Variants in FHIT observed in about 807,000 individuals in gnomAD.
FHIT encodes the protein bis(5'-adenosyl)-triphosphatase.
In FHIT, 19 loss-of-function variants were observed where a neutral mutation model predicts 17.9. The observed-to-expected ratio is 1.06, with a 90% CI of 0.74 to 1.56. The LOEUF is 1.56. Ranked by LOEUF, FHIT falls within the 40% of genes most tolerant of loss-of-function variation. The probability of loss-of-function intolerance (pLI) is 0.00; values close to 1 mark genes in which losing one functional copy is unlikely to be tolerated. For missense variants in FHIT, 248 were observed against 189.2 expected, an observed-to-expected ratio of 1.31 and a Z score of -1.82; for synonymous variants, 81 against 69.7, an observed-to-expected ratio of 1.16 and a Z score of -0.81.
intron 5 of FHIT, among the ~76,000 whole-genome samples, chr3:60,307,218 A>G (rs1708717509): frequency 6.6e-6 from 1 of 152,162 alleles, no homozygotes; most frequent in African/African-American, 2.4e-5. Flanking sequence ...CTCCTCAAAA[A>G]CTTCAAACTT....
In FHIT at chr3:60,173,898, TATATATA is replaced by T. The variant is rs1559698501; in HGVS notation, c.104-159753_104-159747del. On this transcript the variant is annotated intron_variant, in intron 5 of 9. Transcript: ENST00000492590. ...TCCATGTTTCTAATATATATATATA[TATATATA>T]TATATATATATGTTTTTTTTTTTTT... is the stretch of plus-strand genomic sequence containing the variant. 6.7e-5 allele frequency among the ~76,000 whole-genome samples: 5 copies of T among 74,814 alleles called. No homozygotes were observed. The East Asian group carries it at 2.1e-3, about 31-fold the overall frequency. 49.1% of individuals were successfully genotyped at this position (74,814 alleles called of 152,430 possible).
At chr3:59,995,911 G>T (rs937894978) in intron 7 of FHIT, among the ~76,000 whole-genome samples, 1 of 152,086 alleles carries the variant, frequency 6.6e-6, no homozygotes, top group Non-Finnish European at 1.5e-5. Flanking sequence ...CTTCTCCAGG[G>T]TTTTCCTCGG....
intron 3 of FHIT, among the ~76,000 whole-genome samples, chr3:60,857,077 G>T (rs1553750196): frequency 6.6e-6 from 1 of 152,078 alleles, no homozygotes; most frequent in Non-Finnish European, 1.5e-5. Flanking sequence ...ATCCATAAAG[G>T]CAAGGATCAT....
intron 5 of FHIT, among the ~76,000 whole-genome samples, chr3:60,341,404 A>AT (rs1379619242): frequency 2.0e-5 from 3 of 152,228 alleles, no homozygotes; most frequent in African/African-American, 7.2e-5. Flanking sequence ...AAACCCATAG[A>AT]TACACAAACT....
chr3:59,983,140 C>T (rs971697780), intron 7 of FHIT, among the ~76,000 whole-genome samples: 3 of 151,898 alleles, frequency 2.0e-5, no homozygotes, highest in African/African-American at 2.4e-5. Flanking sequence ...GGTTTGGCTA[C>T]GTTGCCCAGG....
chr3:60,920,099 G>C (rs760200425), intron 3 of FHIT, among the ~76,000 whole-genome samples: 141 of 151,856 alleles, frequency 9.3e-4, no homozygotes, highest in Non-Finnish European at 1.6e-3. Context: ...ACTTCTATGT[G>C]AGTTTCTTAA....
intron 5 of FHIT, among the ~76,000 whole-genome samples, chr3:60,276,915 C>A (rs935844376): frequency 6.6e-6 from 1 of 152,108 alleles, no homozygotes; most frequent in African/African-American, 2.4e-5. Context: ...AGGATGACAC[C>A]AAGCCATTCA....
chr3:60,362,117 T>G (rs960781529), intron 5 of FHIT, among the ~76,000 whole-genome samples: 14 of 152,252 alleles, frequency 9.2e-5, no homozygotes, highest in African/African-American at 2.9e-4. Context: ...GTTTATAGCA[T>G]GATGTTATAG....
chr3:60,234,841 G>C (rs1364329773), intron 5 of FHIT, among the ~76,000 whole-genome samples: 1 of 152,160 alleles, frequency 6.6e-6, no homozygotes, highest in Non-Finnish European at 1.5e-5. Flanking sequence ...AAGTATTAGT[G>C]ATAGGACACT....
At chr3:60,295,259 C>G (rs998158887) in intron 5 of FHIT, among the ~76,000 whole-genome samples, 1 of 152,034 alleles carries the variant, frequency 6.6e-6, no homozygotes, top group African/African-American at 2.4e-5. Flanking sequence ...AAAGAAATCT[C>G]TTAAAAAATA....
intron 4 of FHIT, among the ~76,000 whole-genome samples, chr3:60,719,465 G>A (rs1278898651): frequency 2.6e-5 from 4 of 152,124 alleles, no homozygotes; most frequent in African/African-American, 9.7e-5. Flanking sequence ...AGGAGCTGTA[G>A]AGTTTATGAT....
chr3:60,667,785 G>T (rs1224745288), intron 4 of FHIT, among the ~76,000 whole-genome samples: 1 of 152,088 alleles, frequency 6.6e-6, no homozygotes, highest in South Asian at 2.1e-4. Flanking sequence ...TGTGGGTCTT[G>T]GCTACTTTTA....
intron 5 of FHIT, among the ~76,000 whole-genome samples, chr3:60,466,850 T>C (rs531553270): frequency 6.6e-6 from 1 of 151,142 alleles, no homozygotes; most frequent in East Asian, 1.9e-4. Flanking sequence ...TTAATGTGCC[T>C]TTGTCTGGTT....
rs138978230 is a variant in FHIT at position 60,536,866 on chromosome 3, G to T, written c.97C>A (p.Pro33Thr). 1.2e-4 allele frequency: 194 copies of T among 1,604,118 alleles called. 1 individual carries two copies. In the African/African-American group the frequency reaches 2.4e-3, roughly 20 times the overall value. The change falls in exon 5 of 10, where the codon CCA becomes ACA. Residue 33 changes from proline to threonine, a missense_variant. Transcript: ENST00000492590. ...FALVNRKPVV[P>T]GHVLVCPLRP... The stretch of plus-strand genomic sequence containing the variant: ...AAAAAAAAAGAAAGGATACGTCCTG[G>T]TACCACAGGTTTCCTATTCACAAGA...
At chr3:60,941,081 A>G (rs782733445) in intron 3 of FHIT, among the ~76,000 whole-genome samples, 2 of 152,240 alleles carry the variant, frequency 1.3e-5, no homozygotes, top group Non-Finnish European at 2.9e-5. Context: ...TAATCAGTAT[A>G]CAAATATAAT....
At chr3:61,209,254 T>C (rs914128468) in intron 1 of FHIT, among the ~76,000 whole-genome samples, 9 of 152,224 alleles carry the variant, frequency 5.9e-5, no homozygotes, top group Non-Finnish European at 1.2e-4. Flanking sequence ...TTAAAATTTT[T>C]TACTTCATTT....
rs557114568 is a variant in FHIT at position 60,462,987 on chromosome 3, G to A, written c.103+73873C>T. 2.0e-5 allele frequency among the ~76,000 whole-genome samples: 3 copies of A among 152,322 alleles called. No homozygotes were observed. The South Asian group carries it at 6.2e-4, about 32-fold the overall frequency. On this transcript the variant is annotated intron_variant, in intron 5 of 9. Transcript: ENST00000492590. Reference sequence around the variant, plus strand: ...CCACCTCTGTGCTGTGCCACACTGAGGGAGCAGCTGCTCCAGCTAATTTCT... The same window carrying A: ...CCACCTCTGTGCTGTGCCACACTGAAGGAGCAGCTGCTCCAGCTAATTTCT...
intron 4 of FHIT, among the ~76,000 whole-genome samples, chr3:60,549,379 T>C (rs993861840): frequency 6.6e-6 from 1 of 152,152 alleles, no homozygotes; most frequent in African/African-American, 2.4e-5. Flanking sequence ...ATATGATATG[T>C]TACTTAATCC....
At chr3:59,794,515 G>A (rs1220061096) in intron 8 of FHIT, among the ~76,000 whole-genome samples, 1 of 152,112 alleles carries the variant, frequency 6.6e-6, no homozygotes, top group Non-Finnish European at 1.5e-5. Context: ...GCCACCACCT[G>A]GCAAAACATC....
Sources: gnomAD v4.1 joint callset for allele counts (sites outside exome capture counted in the v4.1 genomes callset) on GRCh38, gnomAD v4.1.1 for gene constraint, MANE v1.5 for transcripts, NCBI Gene and HGNC (gene_info 2026-07-23, HGNC 2026-07-21) for gene names.